Variants in DNAH14 observed in about 807,000 individuals in gnomAD.
The protein encoded by DNAH14 is axonemal beta dynein heavy chain 14.
DNAH14 carries 478 observed loss-of-function variants against 520.9 expected under a neutral mutation model. The observed-to-expected ratio is 0.92, with a 90% CI of 0.85 to 0.99. The LOEUF (loss-of-function observed/expected upper bound fraction) is 0.99. DNAH14 is among the 50% of genes least tolerant of loss of function. DNAH14 has a pLI of 0.00. For synonymous variants in DNAH14, 1,581 were observed against 1,757.2 expected (o/e 0.90, Z 2.51); for missense variants, 4,831 against 5,234.5 (o/e 0.92, Z 2.38).
intron 11 of DNAH14, among the ~76,000 whole-genome samples, chr1:225,025,830 A>T (rs567483713): frequency 1.8e-4 from 28 of 152,178 alleles, no homozygotes; most frequent in Non-Finnish European, 4.1e-4. Context: ...AAAAAGCATC[A>T]ATCATTGTTG....
intron 27 of DNAH14, among the ~76,000 whole-genome samples, chr1:225,125,371 C>T (rs1478701031): frequency 6.6e-6 from 1 of 152,220 alleles, no homozygotes; most frequent in Non-Finnish European, 1.5e-5. Flanking sequence ...CCTTGAAAAT[C>T]TGTTGTTCAG....
chr1:225,119,732 G>C (rs750815189), intron 26 of DNAH14, among the ~76,000 whole-genome samples: 5 of 152,100 alleles, frequency 3.3e-5, no homozygotes, highest in Non-Finnish European at 7.4e-5. Context: ...GTCTATCATT[G>C]CATCTGTTTA....
intron 41 of DNAH14, among the ~76,000 whole-genome samples, chr1:225,220,096 A>G (rs977105705): frequency 1.3e-5 from 2 of 152,228 alleles, no homozygotes; most frequent in Non-Finnish European, 2.9e-5. Context: ...GGCCTTCGAT[A>G]TAATTCAACA....
At chr1:225,022,946 A>G (rs1049310645) in intron 10 of DNAH14, among the ~76,000 whole-genome samples, 1 of 152,212 alleles carries the variant, frequency 6.6e-6, no homozygotes, top group Non-Finnish European at 1.5e-5. Context: ...TTGCAGCAGC[A>G]TGATGCAGCT....
intron 8 of DNAH14, among the ~76,000 whole-genome samples, chr1:224,988,511 C>G (rs1292365607): frequency 1.3e-5 from 2 of 152,170 alleles, no homozygotes; most frequent in African/African-American, 4.8e-5. Context: ...CACTTTTATA[C>G]TGTTGGTGGG....
intron 72 of DNAH14, 56 bp from the exon 73 acceptor site, chr1:225,353,747 A>T: frequency 2.2e-6 from 2 of 914,150 alleles, no homozygotes; most frequent in Non-Finnish European, 3.4e-6. Context: ...GATATGTTTT[A>T]ATGATAAAAA....
intron 41 of DNAH14, among the ~76,000 whole-genome samples, chr1:225,219,866 T>C (rs1206146394): frequency 6.6e-6 from 1 of 152,186 alleles, no homozygotes; most frequent in African/African-American, 2.4e-5. Flanking sequence ...AAAGAAAATT[T>C]CAGGCCAGTA....
In DNAH14 at chr1:225,272,092, T is replaced by A. The variant is rs763336965; in HGVS notation, c.7839+19T>A. ...GTTTAAGGTTTGTTTTAATGTTCAT[T>A]CTCTAGTTTATTTTTTAAATATAAG... On this transcript the variant is annotated intron_variant, in intron 51 of 85. Coordinates refer to ENST00000682510, the MANE Select transcript of DNAH14 (RefSeq NM_001367479.1). 11 of 1,535,630 alleles carry A rather than the reference T, an allele frequency of 7.2e-6. No homozygotes were observed. The highest frequency in any genetic ancestry group is 8.8e-6 in the Non-Finnish European group (10 of 1,139,346).
chr1:225,295,231 T>C (rs993685969), intron 55 of DNAH14, among the ~76,000 whole-genome samples: 1 of 152,108 alleles, frequency 6.6e-6, no homozygotes, highest in Non-Finnish European at 1.5e-5. Flanking sequence ...TTTGATATTG[T>C]TTTTTATTAT....
chr1:225,115,569 T>C (rs1358872318), intron 23 of DNAH14, among the ~76,000 whole-genome samples: 2 of 152,182 alleles, frequency 1.3e-5, no homozygotes, highest in Non-Finnish European at 2.9e-5. Flanking sequence ...AAAACAACTA[T>C]AGGCAATCAC....
Position 224,964,550 on chromosome 1 carries a change from C to T in DNAH14, c.439C>T (p.Pro147Ser), listed in dbSNP as rs770485262. ...REKLGWQTIL[P>S]QHSLKYGSSK... is the part of the protein sequence containing the mutation. The stretch of plus-strand genomic sequence containing the variant: ...AAAGCTTGGTTGGCAAACTATATTA[C>T]CGCAGCACAGTTTGAAATACGGAAG... Residue 147 changes from proline (P) to serine (S), a missense_variant, in exon 5 of 86, where the codon CCG becomes TCG. Transcript: ENST00000682510. 3 of 1,608,648 alleles carry T rather than the reference C, an allele frequency of 1.9e-6. 1 individual carries two copies. In the African/African-American group the frequency reaches 4.0e-5, roughly 22 times the overall value.
At chr1:225,288,543 G>A (rs572894080) in intron 54 of DNAH14, among the ~76,000 whole-genome samples, 48 of 152,232 alleles carry the variant, frequency 3.2e-4, no homozygotes, top group African/African-American at 1.1e-3. Context: ...AATGTTAGAT[G>A]CTAATAGGGG....
intron 82 of DNAH14, among the ~76,000 whole-genome samples, chr1:225,389,050 G>T (rs952384072): frequency 1.3e-5 from 2 of 152,170 alleles, no homozygotes; most frequent in African/African-American, 2.4e-5. Context: ...GAGCCACCGC[G>T]CCCAGCCACA....
chr1:225,226,975 A>T (rs930108925), intron 41 of DNAH14, among the ~76,000 whole-genome samples: 66 of 152,280 alleles, frequency 4.3e-4, no homozygotes, highest in African/African-American at 1.3e-3. Flanking sequence ...TGCAGTAAAG[A>T]GCAGTATTTC....
At chr1:225,256,380 T>A (rs921591493) in intron 44 of DNAH14, among the ~76,000 whole-genome samples, 1 of 152,140 alleles carries the variant, frequency 6.6e-6, no homozygotes, top group Non-Finnish European at 1.5e-5. Flanking sequence ...ATTGCAAGAT[T>A]GGCTTTGCTT....
intron 41 of DNAH14, among the ~76,000 whole-genome samples, chr1:225,220,731 A>AATAATTT (rs2089968862): frequency 6.6e-6 from 1 of 152,092 alleles, no homozygotes; most frequent in Non-Finnish European, 1.5e-5. Context: ...TACTGCCCAA[A>AATAATTT]ATAATTTATA....
chr1:225,226,738 G>A (rs557225283), intron 41 of DNAH14, among the ~76,000 whole-genome samples: 1 of 152,136 alleles, frequency 6.6e-6, no homozygotes, highest in South Asian at 2.1e-4. Flanking sequence ...AGCAAGTGAG[G>A]ACCTGCACTG....
intron 36 of DNAH14, among the ~76,000 whole-genome samples, chr1:225,179,865 A>G (rs1368505627): frequency 1.3e-5 from 2 of 151,824 alleles, no homozygotes; most frequent in East Asian, 3.9e-4. Context: ...ATGTTAGAAG[A>G]GTGGGTTTTC....
chr1:225,167,820 C>A, intron 35 of DNAH14, 119 bp from the exon 36 acceptor site: 1 of 519,604 alleles, frequency 1.9e-6, no homozygotes, highest in Non-Finnish European at 3.3e-6. Flanking sequence ...ACTAAAAAAT[C>A]AAGAATTACT....
Sources: allele counts gnomAD v4.1 joint callset (sites outside exome capture counted in the v4.1 genomes callset), GRCh38; gene constraint gnomAD v4.1.1; transcripts MANE v1.5; gene names NCBI Gene and HGNC (gene_info 2026-07-23, HGNC 2026-07-21).